Variants in PRDM16 observed in about 807,000 individuals in gnomAD.
PRDM16 encodes PR/SET domain 16, also known as histone-lysine N-methyltransferase PRDM16.
Under a neutral mutation model 110.6 loss-of-function variants are expected in PRDM16, and 23 were observed. That is an observed-to-expected ratio of 0.21 (90% CI 0.15 to 0.29). PRDM16 has a LOEUF of 0.29. Among genes scored for constraint, PRDM16 ranks in the 10% least tolerant of loss-of-function variants. The probability of loss-of-function intolerance (pLI) is 1.00; values close to 1 mark genes in which losing one functional copy is unlikely to be tolerated. For missense variants in PRDM16, 1,615 were observed against 1,794.3 expected (o/e 0.90, Z 1.81); for synonymous variants, 799 against 781.8 (o/e 1.02, Z -0.37).
intron 4 of PRDM16, among the ~76,000 whole-genome samples, chr1:3,387,708 A>T (rs891735802): frequency 6.6e-6 from 1 of 152,332 alleles, no homozygotes; most frequent in South Asian, 2.1e-4. Flanking sequence ...AGGCACGGGG[A>T]GTGAGGTGGC....
At chr1:3,092,467 C>T (rs763226561) in intron 1 of PRDM16, among the ~76,000 whole-genome samples, 7 of 151,926 alleles carry the variant, frequency 4.6e-5, no homozygotes, top group Non-Finnish European at 7.4e-5. Flanking sequence ...GTCTCAGGAT[C>T]GGGGCATTGT....
At position 3,430,950 on chromosome 1, in the gene PRDM16, G is replaced by A. The variant is rs749724757; in HGVS notation, c.3363G>A (p.Glu1121=). The change falls in exon 15 of 17, where the codon GAG becomes GAA. Residue 1121 remains glutamate, a synonymous_variant. Transcript: ENST00000270722. ...ASEKQEDVEE[E]DDDDLEEDDE... ...AGAAGCAGGAGGACGTGGAGGAGGA[G>A]GACGACGATGACCTGGAGGAGGACG... 3 of 1,613,700 alleles carry A rather than the reference G, an allele frequency of 1.9e-6. No homozygotes were observed. The highest frequency in any genetic ancestry group is 2.2e-5 in the East Asian group (1 of 44,882).
intron 5 of PRDM16, among the ~76,000 whole-genome samples, chr1:3,397,320 G>A (rs772876198): frequency 1.1e-4 from 17 of 152,204 alleles, no homozygotes; most frequent in Non-Finnish European, 2.1e-4. Context: ...CCTCTCTGTC[G>A]AGTAGAGATG....
rs534502814 is a variant in PRDM16, at chr1:3,271,505, C to T, written c.438+27368C>T. ...CCCAGTGAGAACCCAAGGCCGTTGT[C>T]CTGCAGCGGACGTGGAAATTCTGAC... On this transcript the variant is annotated intron_variant, in intron 3 of 16. Transcript: ENST00000270722. 3.3e-5 allele frequency among the ~76,000 whole-genome samples: 5 copies of T among 152,312 alleles called. No individual in the cohort carries two copies. In the East Asian group the frequency reaches 7.7e-4, roughly 24 times the overall value.
At chr1:3,278,851 G>A (rs1273831555) in intron 3 of PRDM16, among the ~76,000 whole-genome samples, 1 of 152,216 alleles carries the variant, frequency 6.6e-6, no homozygotes, top group Admixed American at 6.5e-5. Flanking sequence ...AGCACAAAGC[G>A]TCCCTGCGTC....
At chr1:3,334,920 T>G (rs1428558086) in intron 3 of PRDM16, among the ~76,000 whole-genome samples, 3 of 152,198 alleles carry the variant, frequency 2.0e-5, no homozygotes, top group Admixed American at 1.3e-4. Flanking sequence ...GCCTGCGCCT[T>G]CCGCGGAGGG....
At chr1:3,130,545 T>G (rs1332661419) in intron 1 of PRDM16, among the ~76,000 whole-genome samples, 1 of 152,180 alleles carries the variant, frequency 6.6e-6, no homozygotes, top group Non-Finnish European at 1.5e-5. Context: ...ATAGGTTTCC[T>G]CGCTGAAACA....
At chr1:3,219,429 G>T (rs367878157) in intron 2 of PRDM16, among the ~76,000 whole-genome samples, 1 of 152,122 alleles carries the variant, frequency 6.6e-6, no homozygotes, top group Non-Finnish European at 1.5e-5. Flanking sequence ...GCCAGCTCCC[G>T]GAGGACCTGC....
chr1:3,128,185 T>C (rs2100676746), intron 1 of PRDM16: 1 of 154,576 alleles, frequency 6.5e-6, no homozygotes, highest in East Asian at 1.9e-4. Flanking sequence ...TCCGTACCCA[T>C]GCCCTGTGAT....
rs876657957 is a variant in PRDM16, at chr1:3,405,543, G to A, written c.1081G>A (p.Val361Met). ...NLQRHIRSQHVGARAHACPDC... is the reference protein window; with the variant it reads ...NLQRHIRSQHMGARAHACPDC... Reference sequence around the variant, plus strand: ...TCAGCGGCACATCCGCTCGCAGCACGTGGGCGCTCGGGCCCACGCCTGCCC... The same window carrying A: ...TCAGCGGCACATCCGCTCGCAGCACATGGGCGCTCGGGCCCACGCCTGCCC... The change falls in exon 8 of 17, where the codon GTG becomes ATG. Residue 361 changes from valine (V) to methionine (M), a missense_variant. By Grantham distance (21) the Val-to-Met change is conservative (BLOSUM62 1). Coordinates refer to ENST00000270722, the MANE Select transcript of PRDM16 (RefSeq NM_022114.4). 43 of 1,606,962 alleles carry A rather than the reference G, an allele frequency of 2.7e-5. No individual in the cohort carries two copies. The highest frequency in any genetic ancestry group is 3.3e-5 in the Non-Finnish European group (39 of 1,177,178).
chr1:3,114,528 A>ACG (rs1557457233), intron 1 of PRDM16, among the ~76,000 whole-genome samples: 136 of 152,060 alleles, frequency 8.9e-4, no homozygotes, highest in African/African-American at 3.0e-3. Context: ...GAACACACGC[A>ACG]CACATGCACA....
At chr1:3,270,693 GGGAGGACAGTCCCGGA>G (rs1186484772) in intron 3 of PRDM16, among the ~76,000 whole-genome samples, 1 of 146,272 alleles carries the variant, frequency 6.8e-6, no homozygotes, top group Non-Finnish European at 1.5e-5. Context: ...AGGACAGTCG[GGGAGGACAGTCCCGGA>G]GGAGGACAGT....
intron 1 of PRDM16, among the ~76,000 whole-genome samples, chr1:3,132,025 T>C (rs1271999866): frequency 6.6e-6 from 1 of 152,192 alleles, no homozygotes; most frequent in Non-Finnish European, 1.5e-5. Context: ...ATTACTGCCG[T>C]TTAATTCGGA....
At chr1:3,144,786 C>T (rs1643614526) in intron 1 of PRDM16, among the ~76,000 whole-genome samples, 1 of 152,210 alleles carries the variant, frequency 6.6e-6, no homozygotes. Flanking sequence ...TTGGAGGTCT[C>T]AAGAATGCCC....
At chr1:3,094,386 AC>A (rs1243864585) in intron 1 of PRDM16, among the ~76,000 whole-genome samples, 1 of 152,196 alleles carries the variant, frequency 6.6e-6, no homozygotes, top group Non-Finnish European at 1.5e-5. Context: ...CCCTGCAGAG[AC>A]GTGGGCTCCC....
intron 3 of PRDM16, among the ~76,000 whole-genome samples, chr1:3,363,562 A>G (rs912012105): frequency 6.6e-6 from 1 of 152,114 alleles, no homozygotes; most frequent in African/African-American, 2.4e-5. Flanking sequence ...AGTGCCATCC[A>G]TGGGTGTCTT....
chr1:3,125,694 G>C (rs540632687), intron 1 of PRDM16, among the ~76,000 whole-genome samples: 1 of 152,382 alleles, frequency 6.6e-6, no homozygotes, highest in South Asian at 2.1e-4. Context: ...GAGCTCAGCC[G>C]TGTTTGCTGT....
rs751831812 is a variant in PRDM16, at chr1:3,385,294, C to T, written c.573+8C>T. On this transcript the variant is annotated splice_region_variant and intron_variant, in intron 4 of 16. Coordinates refer to ENST00000270722, the MANE Select transcript of PRDM16 (RefSeq NM_022114.4). ...TGTCAGATCAGTGAGCAGGTAGGTC[C>T]GGGCTCATAACAGGGGCTTCTGCCT... 11 of 1,613,234 alleles carry T rather than the reference C, an allele frequency of 6.8e-6. No homozygotes were observed. Among genetic ancestry groups the T allele is most frequent in the East Asian group, 4.5e-5 (2 of 44,892 alleles).
intron 4 of PRDM16, among the ~76,000 whole-genome samples, chr1:3,385,662 A>AGATGG (rs1643182509): frequency 6.6e-6 from 1 of 152,218 alleles, no homozygotes; most frequent in African/African-American, 2.4e-5. Context: ...AGGAACAGTC[A>AGATGG]CTGAAAGAAT....
Sources: gnomAD v4.1 joint callset for allele counts (sites outside exome capture counted in the v4.1 genomes callset) on GRCh38, gnomAD v4.1.1 for gene constraint, MANE v1.5 for transcripts, NCBI Gene and HGNC (gene_info 2026-07-23, HGNC 2026-07-21) for gene names.